The following SRP19 variants were observed in gnomAD, a reference collection of about 807,000 sequenced individuals.
SRP19 encodes signal recognition particle 19, also known as signal recognition particle 19 kDa protein.
In SRP19, 11 loss-of-function variants were observed where a neutral mutation model predicts 22.4. The observed-to-expected ratio is 0.49, with a 90% confidence interval of 0.31 to 0.81. The LOEUF is 0.81. SRP19 is among the 40% of genes least tolerant of loss of function. SRP19 has a pLI of 0.05. For synonymous variants in SRP19, 61 were observed against 57.6 expected (o/e 1.06, Z -0.27); for missense variants, 168 against 175.9 (o/e 0.96, Z 0.25).
intron 4 of SRP19, among the ~76,000 whole-genome samples, chr5:112,887,425 G>A (rs1031446456): frequency 3.9e-5 from 6 of 152,196 alleles, no homozygotes; most frequent in Admixed American, 3.3e-4. Flanking sequence ...CCAGGTCCAG[G>A]AGCTTAACTA....
At chr5:112,880,610 A>G (rs762084578) in intron 4 of SRP19, among the ~76,000 whole-genome samples, 1 of 152,256 alleles carries the variant, frequency 6.6e-6, no homozygotes, top group Non-Finnish European at 1.5e-5. Context: ...AAAAGCTTTG[A>G]GAAAAGTCTA....
chr5:112,889,844 T>TTTTG (rs1768379404), intron 4 of SRP19, among the ~76,000 whole-genome samples: 1 of 149,216 alleles, frequency 6.7e-6, no homozygotes, highest in Non-Finnish European at 1.5e-5. Context: ...TTTTTTTTTT[T>TTTTG]GAGACTGATT....
intron 4 of SRP19, chr5:112,877,241 ACAT>A (rs1226758652): frequency 2.0e-5 from 3 of 152,220 alleles, no homozygotes; most frequent in Non-Finnish European, 2.9e-5. Context: ...AATATTTTTT[ACAT>A]CATGAGACAT....
At chr5:112,887,509 T>C (rs1159420665) in intron 4 of SRP19, among the ~76,000 whole-genome samples, 1 of 152,208 alleles carries the variant, frequency 6.6e-6, no homozygotes, top group Non-Finnish European at 1.5e-5. Flanking sequence ...TAGAAATCAA[T>C]TTAAGAAAAT....
At position 112,883,079 on chromosome 5, in the gene SRP19, T is replaced by G. The variant is rs147199394; in HGVS notation, c.302-8524T>G. 1.2e-4 allele frequency among the ~76,000 whole-genome samples: 18 copies of G among 152,356 alleles called. No homozygotes were observed. In the East Asian group the frequency reaches 2.9e-3, roughly 24 times the overall value. On this transcript the variant is annotated intron_variant, in intron 4 of 4. Transcript: ENST00000391338. Reference sequence around the variant, plus strand: ...CTCCTATCATCATTTTTTGCTCTGTTGAATTATTCCCATTAATTTTCAAAC... The same window carrying G: ...CTCCTATCATCATTTTTTGCTCTGTGGAATTATTCCCATTAATTTTCAAAC...
chr5:112,876,115 A>G (rs1406005652), intron 4 of SRP19, among the ~76,000 whole-genome samples: 1 of 152,186 alleles, frequency 6.6e-6, no homozygotes, highest in African/African-American at 2.4e-5. Context: ...GTGTAATGCA[A>G]TACACAGGTT....
Position 112,864,580 on chromosome 5 carries a change from C to T in SRP19, c.190-41C>T, listed in dbSNP as rs377663477. The T allele has an allele frequency of 1.9e-6, 3 of 1,611,436 alleles. No homozygotes were observed. In the South Asian group the frequency reaches 3.3e-5, roughly 18 times the overall value. ...CATACTCATCTAATTGATGTAATAACTTTCTTAAGTCCTGTTTTTCTTTTG... is the reference window on the plus strand; with the variant it reads ...CATACTCATCTAATTGATGTAATAATTTTCTTAAGTCCTGTTTTTCTTTTG... On this transcript the variant is annotated intron_variant, in intron 3 of 4. Coordinates refer to ENST00000505459, the MANE Select transcript of SRP19 (RefSeq NM_003135.3).
downstream of SRP19, chr5:112,893,094 T>TAAAAAAAAAA (rs552226372): frequency 5.9e-4 from 296 of 501,310 alleles, no homozygotes; most frequent in African/African-American, 4.8e-3. Context: ...GTTTTGTTCT[T>TAAAAAAAAAA]AAAAAAAAAA....
chr5:112,891,764 G>A (rs527236867), exon 5 of SRP19: 9 of 1,614,034 alleles, frequency 5.6e-6, no homozygotes, highest in Middle Eastern at 3.3e-4. Context: ...GAACTTGCTC[G>A]ACTGAGAGAC....
downstream of SRP19, among the ~76,000 whole-genome samples, chr5:112,874,111 A>G (rs1580721252): frequency 2.0e-5 from 3 of 152,164 alleles, no homozygotes; most frequent in East Asian, 1.9e-4. Context: ...GGCTGCAGAG[A>G]GTTGTGATCA....
chr5:112,887,184 C>T (rs773962646), intron 4 of SRP19: 2 of 1,583,522 alleles, frequency 1.3e-6, no homozygotes, highest in Non-Finnish European at 8.6e-7. Flanking sequence ...GGAAGCCACA[C>T]TGCACAGAAA....
Position 112,867,540 on chromosome 5 carries a change from T to C in SRP19, c.*3T>C. 6.2e-7 allele frequency: 1 copy of C among 1,606,312 alleles called. No homozygotes were observed. Among genetic ancestry groups the C allele is most frequent in the South Asian group, 1.1e-5 (1 of 90,376 alleles). Reference sequence around the variant, plus strand: ...GGAAAGGAAAGAAAAAGAAGTAACCTAGTATCAGCATCAAGTATGTGGTAC... The same window carrying C: ...GGAAAGGAAAGAAAAAGAAGTAACCCAGTATCAGCATCAAGTATGTGGTAC... On this transcript the variant is annotated 3_prime_UTR_variant, in exon 5 of 5. Coordinates refer to ENST00000505459, the MANE Select transcript of SRP19 (RefSeq NM_003135.3).
intron 2 of SRP19, 51 bp from the exon 3 acceptor site, chr5:112,864,406 A>C (rs185569799): frequency 8.2e-6 from 12 of 1,465,588 alleles, no homozygotes; most frequent in Non-Finnish European, 1.1e-5. Flanking sequence ...ACACTATGGC[A>C]GTGTCCACTT....
At chr5:112,876,183 T>G (rs1167908313) in intron 4 of SRP19, among the ~76,000 whole-genome samples, 1 of 152,180 alleles carries the variant, frequency 6.6e-6, no homozygotes, top group African/African-American at 2.4e-5. Flanking sequence ...TGGTAGAAAC[T>G]TTTTGAGTTG....
chr5:112,892,741 A>G, exon 5 of SRP19: 1 of 1,614,034 alleles, frequency 6.2e-7, no homozygotes, highest in Non-Finnish European at 8.5e-7. Context: ...GAACTCCGAG[A>G]GGAGGGAGAA....
intron 4 of SRP19, chr5:112,886,974 T>A: frequency 6.8e-7 from 1 of 1,461,788 alleles, no homozygotes; most frequent in East Asian, 2.3e-5. Flanking sequence ...GTGTGTCACA[T>A]CTCCTCTCAC....
downstream of SRP19, among the ~76,000 whole-genome samples, chr5:112,872,584 C>T (rs1767782806): frequency 1.3e-5 from 2 of 152,144 alleles, no homozygotes; most frequent in African/African-American, 4.8e-5. Context: ...ACACCTTGGC[C>T]TCCCAAAGTG....
At chr5:112,883,784 C>A (rs1041765879) in intron 4 of SRP19, among the ~76,000 whole-genome samples, 2 of 152,136 alleles carry the variant, frequency 1.3e-5, no homozygotes, top group African/African-American at 2.4e-5. Flanking sequence ...TCCTCCCACC[C>A]ACCACAACCT....
chr5:112,884,581 G>T (rs746157520), intron 4 of SRP19, among the ~76,000 whole-genome samples: 6 of 151,800 alleles, frequency 4.0e-5, no homozygotes, highest in Non-Finnish European at 7.4e-5. Flanking sequence ...CTCCATAGGA[G>T]ACCCTGTCAC....
Sources: allele counts gnomAD v4.1 joint callset (sites outside exome capture counted in the v4.1 genomes callset), GRCh38; gene constraint gnomAD v4.1.1; transcripts MANE v1.5; gene names NCBI Gene and HGNC (gene_info 2026-07-23, HGNC 2026-07-21).